The following ANTXR2 variants were observed in gnomAD, a reference collection of about 807,000 sequenced individuals.
ANTXR2 encodes the protein anthrax toxin receptor 2.
ANTXR2 carries 44 observed loss-of-function variants against 73.7 expected under a neutral mutation model. The ratio of observed to expected loss-of-function variants is 0.60; its 90% CI spans 0.47 to 0.77. The LOEUF is 0.77. Ranked by LOEUF, ANTXR2 falls within the 30% of genes least tolerant of loss-of-function variation. The pLI, the probability that ANTXR2 is intolerant of heterozygous loss-of-function variation, is 0.00. For missense variants in ANTXR2, 604 were observed against 592.5 expected, an observed-to-expected ratio of 1.02 and a Z score of -0.20; for synonymous variants, 217 against 205.9, an observed-to-expected ratio of 1.05 and a Z score of -0.46.
intron 12 of ANTXR2, 67 bp downstream of exon 12, chr4:80,008,454 T>C: frequency 7.1e-6 from 9 of 1,267,154 alleles, no homozygotes; most frequent in Non-Finnish European, 9.9e-6. Context: ...CATTTATTCA[T>C]ATTTCAGACC....
chr4:79,986,502 A>T (rs1277901755), intron 12 of ANTXR2, among the ~76,000 whole-genome samples: 3 of 152,160 alleles, frequency 2.0e-5, no homozygotes, highest in Non-Finnish European at 4.4e-5. Context: ...TATGATTTTG[A>T]TATTTTCATC....
chr4:80,066,703 T>C (rs917329993), intron 3 of ANTXR2, among the ~76,000 whole-genome samples: 1 of 136,070 alleles, frequency 7.3e-6, no homozygotes, highest in East Asian at 1.9e-4. Flanking sequence ...CTTTCATTCA[T>C]GTAACAATTT....
chr4:80,031,527 A>G, intron 10 of ANTXR2, 96 bp downstream of exon 10: 1 of 1,031,032 alleles, frequency 9.7e-7, no homozygotes, highest in Non-Finnish European at 1.4e-6. Flanking sequence ...CTGTATATCA[A>G]AAAAAGATAG....
intron 16 of ANTXR2, among the ~76,000 whole-genome samples, chr4:79,955,748 A>C (rs1165958562): frequency 6.6e-6 from 1 of 152,122 alleles, no homozygotes; most frequent in African/African-American, 2.4e-5. Flanking sequence ...AGGTTTAGAA[A>C]ATTTGCGCCG....
rs10689799 is a variant in ANTXR2 at position 79,933,735 on chromosome 4, G to GTTTTT, written c.1429-26273_1429-26269dup. ...CCCCACAACAGGCCCTGGTGTGTTT[G>GTTTTT]TTTTTTTTTTTTTTTTTGAGACAGA... On this transcript the variant is annotated intron_variant, in intron 16 of 16. Coordinates refer to ENST00000403729, the MANE Select transcript of ANTXR2 (RefSeq NM_058172.6). Among the ~76,000 whole-genome samples, 3 of 68,954 alleles carry GTTTTT rather than the reference G, an allele frequency of 4.4e-5. 1 individual carries two copies. Among genetic ancestry groups the GTTTTT allele is most frequent in the East Asian group, 1.2e-3 (2 of 1,662 alleles). The allele number at this position is 68,954 out of a possible 152,430, so 45.2% of individuals were successfully genotyped here.
intron 12 of ANTXR2, among the ~76,000 whole-genome samples, chr4:80,005,241 GT>G (rs1166611668): frequency 1.3e-5 from 2 of 152,104 alleles, no homozygotes; most frequent in Non-Finnish European, 2.9e-5. Context: ...CACCATAAAT[GT>G]GCCTGAGAAT....
intron 2 of ANTXR2, among the ~76,000 whole-genome samples, chr4:80,069,866 G>A (rs1022863617): frequency 6.6e-6 from 1 of 152,140 alleles, no homozygotes; most frequent in African/African-American, 2.4e-5. Flanking sequence ...GCCCTTCAAA[G>A]TGATTATGGT....
chr4:80,054,509 A>T (rs1733903940), intron 6 of ANTXR2, among the ~76,000 whole-genome samples, 157 bp from the exon 7 acceptor site: 1 of 151,796 alleles, frequency 6.6e-6, no homozygotes, highest in South Asian at 2.1e-4. Flanking sequence ...AAAGGTGATG[A>T]TACTAGTGTT....
intron 3 of ANTXR2, 40 bp downstream of exon 3, chr4:80,069,396 T>C (rs1734675045): frequency 1.4e-6 from 2 of 1,464,188 alleles, no homozygotes; most frequent in African/African-American, 1.4e-5. Context: ...TTAAAATTCA[T>C]CTCTACTAAA....
chr4:79,988,001 C>T lies in ANTXR2; in HGVS notation c.1042-3138G>A, dbSNP rs184917627. On this transcript the variant is annotated intron_variant, in intron 12 of 16. Coordinates refer to ENST00000403729, the MANE Select transcript of ANTXR2 (RefSeq NM_058172.6). Reference sequence around the variant, plus strand: ...CATGGAAATGTAAGACCTGCCACCACAAAAACACACTTAAGTACATATCAC... The same window carrying T: ...CATGGAAATGTAAGACCTGCCACCATAAAAACACACTTAAGTACATATCAC... 2.3e-3 allele frequency among the ~76,000 whole-genome samples: 351 copies of T among 151,878 alleles called. 3 individuals are homozygous for T. Among genetic ancestry groups the T allele is most frequent in the Non-Finnish European group, 4.4e-3 (296 of 67,926 alleles).
At position 80,056,143 on chromosome 4, in the gene ANTXR2, T is replaced by A. The variant is rs4428232; in HGVS notation, c.297-130A>T. Reference sequence around the variant, plus strand: ...GAAGCAGAGGAAAGAACATGGGCTTTGAAGGCAGATAACTTCATATACTTT... The same window carrying A: ...GAAGCAGAGGAAAGAACATGGGCTTAGAAGGCAGATAACTTCATATACTTT... On this transcript the variant is annotated intron_variant, in intron 3 of 16. Transcript: ENST00000403729. The A allele has an allele frequency of 0.16, 86,985 of 530,342 alleles. 14,367 individuals carry two copies. Among genetic ancestry groups the A allele is most frequent in the East Asian group, 0.76 (22,101 of 29,200 alleles). 32.9% of individuals were successfully genotyped at this position (530,342 alleles called of 1,614,324 possible).
At chr4:80,068,899 A>G (rs1290204212) in intron 3 of ANTXR2, among the ~76,000 whole-genome samples, 1 of 152,210 alleles carries the variant, frequency 6.6e-6, no homozygotes, top group African/African-American at 2.4e-5. Context: ...CTTTTAAAAA[A>G]CACTAAGGAG....
chr4:79,991,879 T>C (rs1212396061), intron 12 of ANTXR2, among the ~76,000 whole-genome samples: 1 of 151,990 alleles, frequency 6.6e-6, no homozygotes, highest in African/African-American at 2.4e-5. Context: ...ACAGGTTCTT[T>C]TTTATAAGTG....
chr4:80,043,921 T>G (rs1435171311), intron 7 of ANTXR2, among the ~76,000 whole-genome samples: 1 of 151,884 alleles, frequency 6.6e-6, no homozygotes, highest in Non-Finnish European at 1.5e-5. Context: ...ATATCTAGTA[T>G]AATATGGTCA....
chr4:79,955,357 A>G (rs1476900134), intron 16 of ANTXR2, among the ~76,000 whole-genome samples: 1 of 152,196 alleles, frequency 6.6e-6, no homozygotes, highest in Non-Finnish European at 1.5e-5. Context: ...TCCCTTGAAC[A>G]TATTTTCAAA....
chr4:79,912,310 G>A (rs1727176894), intron 16 of ANTXR2, among the ~76,000 whole-genome samples: 1 of 151,688 alleles, frequency 6.6e-6, no homozygotes, highest in Non-Finnish European at 1.5e-5. Context: ...AAAGAATTAG[G>A]CAAATTAATC....
intron 16 of ANTXR2, among the ~76,000 whole-genome samples, chr4:79,925,409 C>T (rs914357509): frequency 3.3e-5 from 5 of 151,200 alleles, no homozygotes; most frequent in Non-Finnish European, 7.4e-5. Context: ...ACAGAGCATA[C>T]GGAAATAAGA....
intron 11 of ANTXR2, among the ~76,000 whole-genome samples, chr4:80,010,882 T>A (rs1731539500): frequency 6.6e-6 from 1 of 152,140 alleles, no homozygotes; most frequent in African/African-American, 2.4e-5. Context: ...GCACAGTGGC[T>A]CACACCTGTA....
chr4:79,974,377 G>C (rs1330975183), intron 16 of ANTXR2, among the ~76,000 whole-genome samples: 4 of 152,082 alleles, frequency 2.6e-5, no homozygotes, highest in African/African-American at 9.7e-5. Context: ...TGTTTACTAA[G>C]CCTGAAGTCC....
Sources: allele counts gnomAD v4.1 joint callset (sites outside exome capture counted in the v4.1 genomes callset), GRCh38; gene constraint gnomAD v4.1.1; transcripts MANE v1.5; gene names NCBI Gene and HGNC (gene_info 2026-07-23, HGNC 2026-07-21).